Variants in CNTN3 observed in about 807,000 individuals in gnomAD.
CNTN3 encodes contactin 3.
Under a neutral mutation model 119.1 loss-of-function variants are expected in CNTN3, and 60 were observed. That is an observed-to-expected ratio of 0.50 (90% CI 0.41 to 0.62). The LOEUF is 0.62. Among genes scored for constraint, CNTN3 ranks in the 20% least tolerant of loss-of-function variants. The pLI, the probability that CNTN3 is intolerant of heterozygous loss-of-function variation, is 0.00. For synonymous variants in CNTN3, 450 were observed against 438.7 expected, an observed-to-expected ratio of 1.03 and a Z score of -0.32; for missense variants, 1,101 against 1,242.4, an observed-to-expected ratio of 0.89 and a Z score of 1.71.
At chr3:74,421,566 T>C (rs1701617165) in intron 5 of CNTN3, among the ~76,000 whole-genome samples, 1 of 152,186 alleles carries the variant, frequency 6.6e-6, no homozygotes, top group South Asian at 2.1e-4. Context: ...GATTGTATCT[T>C]CAGTAATCAG....
At chr3:74,560,176 T>G (rs1422541856) in intron 1 of CNTN3, among the ~76,000 whole-genome samples, 1 of 152,184 alleles carries the variant, frequency 6.6e-6, no homozygotes, top group Non-Finnish European at 1.5e-5. Context: ...ATCACACTCT[T>G]TAATGTATAA....
At chr3:74,578,651 T>C (rs1288813965) in intron 1 of CNTN3, among the ~76,000 whole-genome samples, 2 of 152,050 alleles carry the variant, frequency 1.3e-5, no homozygotes. Context: ...ACTTTCTGCA[T>C]TTCCATGTCT....
chr3:74,523,323 C>T (rs1332357666), intron 1 of CNTN3, among the ~76,000 whole-genome samples: 1 of 151,692 alleles, frequency 6.6e-6, no homozygotes, highest in Non-Finnish European at 1.5e-5. Context: ...GAGTGGAAAA[C>T]CAATAATGTT....
At chr3:74,492,324 G>C (rs976698497) in intron 3 of CNTN3, among the ~76,000 whole-genome samples, 3 of 152,084 alleles carry the variant, frequency 2.0e-5, no homozygotes, top group Admixed American at 6.6e-5. Flanking sequence ...TTGGGGTACT[G>C]GAATTAGAAG....
chr3:74,472,620 A>C (rs1575760473), intron 4 of CNTN3, among the ~76,000 whole-genome samples: 1 of 152,202 alleles, frequency 6.6e-6, no homozygotes, highest in Admixed American at 6.5e-5. Flanking sequence ...CTCAACGGAA[A>C]CTTGGTTTTA....
intron 4 of CNTN3, among the ~76,000 whole-genome samples, chr3:74,463,967 A>G (rs1014721721): frequency 2.6e-5 from 4 of 152,148 alleles, no homozygotes; most frequent in Non-Finnish European, 5.9e-5. Flanking sequence ...GAAATTTGTA[A>G]ACAGGCATTC....
intron 1 of CNTN3, among the ~76,000 whole-genome samples, chr3:74,557,070 C>T: frequency 6.6e-6 from 1 of 152,000 alleles, no homozygotes; most frequent in East Asian, 1.9e-4. Context: ...AATATTTCAT[C>T]CCATTATGTG....
intron 1 of CNTN3, among the ~76,000 whole-genome samples, chr3:74,566,782 C>T (rs1704232121): frequency 6.6e-6 from 1 of 152,178 alleles, no homozygotes; most frequent in South Asian, 2.1e-4. Flanking sequence ...CACAATTCAA[C>T]ACACAGCAAT....
chr3:74,411,463 C>T (rs1701437436), intron 5 of CNTN3, among the ~76,000 whole-genome samples: 1 of 152,140 alleles, frequency 6.6e-6, no homozygotes, highest in Admixed American at 6.6e-5. Flanking sequence ...ATGTTGCATG[C>T]TGGATTATTC....
At chr3:74,524,167 T>A (rs1043240290) in intron 1 of CNTN3, among the ~76,000 whole-genome samples, 12 of 151,926 alleles carry the variant, frequency 7.9e-5, no homozygotes, top group African/African-American at 2.9e-4. Flanking sequence ...ATCCCCAAGA[T>A]AACATGTACA....
At chr3:74,577,570 A>T (rs1196535797) in intron 1 of CNTN3, among the ~76,000 whole-genome samples, 6 of 151,656 alleles carry the variant, frequency 4.0e-5, no homozygotes, top group Admixed American at 3.9e-4. Context: ...ATTCATGATC[A>T]CTCCTTCTCG....
chr3:74,438,500 C>T (rs1701909012), intron 4 of CNTN3, among the ~76,000 whole-genome samples: 1 of 152,206 alleles, frequency 6.6e-6, no homozygotes, highest in African/African-American at 2.4e-5. Context: ...CCACATCTAT[C>T]CAGACTTATT....
Position 74,364,528 on chromosome 3 carries a change from G to T in CNTN3, c.1152C>A (p.Phe384Leu). ...SNLSVTDSGM[F>L]QCIAENKHGL... ...CATGTTTGTTTTCTGCTATGCATTGGAACATGCCAGAATCAGTCACACTTA... is the reference window on the plus strand; with the variant it reads ...CATGTTTGTTTTCTGCTATGCATTGTAACATGCCAGAATCAGTCACACTTA... The change falls in exon 10 of 23, where the codon TTC (phenylalanine) becomes TTA (leucine). Residue 384 changes from phenylalanine (F) to leucine (L), a missense_variant. Coordinates refer to ENST00000263665, the MANE Select transcript of CNTN3 (RefSeq NM_020872.3). 1 of 1,612,240 alleles carries T rather than the reference G, an allele frequency of 6.2e-7. No homozygotes were observed. Among genetic ancestry groups the T allele is most frequent in the Non-Finnish European group, 8.5e-7 (1 of 1,178,668 alleles).
chr3:74,552,091 G>A (rs1323104032), intron 1 of CNTN3, among the ~76,000 whole-genome samples: 1 of 151,904 alleles, frequency 6.6e-6, no homozygotes, highest in Non-Finnish European at 1.5e-5. Context: ...TTAGTACTAA[G>A]CATTTAAGGT....
At chr3:74,525,003 G>T (rs767140060) in intron 1 of CNTN3, among the ~76,000 whole-genome samples, 1 of 151,844 alleles carries the variant, frequency 6.6e-6, no homozygotes, top group Admixed American at 6.6e-5. Context: ...AATCTTGTAT[G>T]TCTGGCTAAG....
intron 1 of CNTN3, among the ~76,000 whole-genome samples, chr3:74,599,623 A>G (rs1357401492): frequency 6.6e-6 from 1 of 152,102 alleles, no homozygotes; most frequent in Non-Finnish European, 1.5e-5. Flanking sequence ...CTGACCTGAC[A>G]GGCGGCAGAG....
intron 5 of CNTN3, among the ~76,000 whole-genome samples, chr3:74,413,446 C>T (rs1037556758): frequency 2.0e-5 from 3 of 152,104 alleles, no homozygotes; most frequent in Non-Finnish European, 2.9e-5. Flanking sequence ...TTTAACTTAG[C>T]CACGGTTAGG....
chr3:74,489,829 T>A (rs372437029), intron 3 of CNTN3, among the ~76,000 whole-genome samples: 1 of 152,146 alleles, frequency 6.6e-6, no homozygotes, highest in African/African-American at 2.4e-5. Flanking sequence ...ATCTATCCCA[T>A]AGGATTGCTC....
intron 4 of CNTN3, among the ~76,000 whole-genome samples, chr3:74,464,937 C>T (rs1274069810): frequency 6.6e-6 from 1 of 152,154 alleles, no homozygotes; most frequent in Non-Finnish European, 1.5e-5. Context: ...TGGTGCTACA[C>T]ACTTTCTATG....
Sources: gnomAD v4.1 joint callset for allele counts (sites outside exome capture counted in the v4.1 genomes callset) on GRCh38, gnomAD v4.1.1 for gene constraint, MANE v1.5 for transcripts, NCBI Gene and HGNC (gene_info 2026-07-23, HGNC 2026-07-21) for gene names.